FAM167A: variants seen among roughly 807,000 people sequenced by gnomAD.
FAM167A encodes protein FAM167A.
FAM167A carries 23 observed loss-of-function variants against 14.9 expected under a neutral mutation model. That is an observed-to-expected ratio of 1.55 (90% CI 1.11 to 2.19). FAM167A has a LOEUF of 2.19. FAM167A is among the 30% of genes most tolerant of loss of function. The pLI is 0.00. For synonymous variants in FAM167A, 174 were observed against 117.7 expected (o/e 1.48, Z -3.10); for missense variants, 401 against 281.5 (o/e 1.42, Z -3.04).
intron 1 of FAM167A, 184 bp from the exon 2 acceptor site, chr8:11,444,992 A>G (rs73546310): frequency 0.18 from 110,512 of 630,698 alleles, 11,159 homozygotes; most frequent in Non-Finnish European, 0.2. Flanking sequence ...GAAGTTAATG[A>G]GCAATTGAAA....
At position 11,432,732 on chromosome 8, in the gene FAM167A, T is replaced by C. The variant is rs547888328; in HGVS notation, c.382-8096A>G. On this transcript the variant is annotated intron_variant, in intron 2 of 2. Transcript: ENST00000284486. ...TACTGGGCATATACTGAAAGGATTA[T>C]AAATCATTCTATGATAAAGACACAT... is the stretch of plus-strand genomic sequence containing the variant. Among the ~76,000 whole-genome samples, 5 of 152,366 alleles carry C rather than the reference T, an allele frequency of 3.3e-5. No individual in the cohort carries two copies. The East Asian group carries it at 9.6e-4, about 29-fold the overall frequency.
At chr8:11,434,511 G>A (rs114107374) in intron 2 of FAM167A, among the ~76,000 whole-genome samples, 9 of 152,148 alleles carry the variant, frequency 5.9e-5, no homozygotes, top group East Asian at 3.9e-4. Flanking sequence ...AGGGAGAGAC[G>A]ACAGCCCCAG....
At chr8:11,451,259 C>T (rs554761285) in intron 1 of FAM167A, among the ~76,000 whole-genome samples, 6 of 152,326 alleles carry the variant, frequency 3.9e-5, no homozygotes, top group South Asian at 2.1e-4. Flanking sequence ...AAAGCCAAGC[C>T]GACAGTGTGG....
intron 2 of FAM167A, among the ~76,000 whole-genome samples, chr8:11,443,131 G>T (rs1200117522): frequency 1.3e-5 from 2 of 152,216 alleles, no homozygotes; most frequent in Non-Finnish European, 2.9e-5. Flanking sequence ...CCTCAGGGAC[G>T]GGGTGGGGCA....
chr8:11,422,372 GGGTGTGTGTGT>G lies in FAM167A; in HGVS notation c.*1990_*2000del, dbSNP rs1563350149. ...TTCTCTGTCGTGTGTGTGTGTGTGG[GGGTGTGTGTGT>G]GTGTGTGTGTGTGTGTGTGTGTAGG... is the stretch of plus-strand genomic sequence containing the variant. On this transcript the variant is annotated 3_prime_UTR_variant, in exon 3 of 3. Transcript: ENST00000284486. The G allele has an allele frequency of 1.1e-4, 12 of 107,804 alleles. No individual in the cohort carries two copies. Among genetic ancestry groups the G allele is most frequent in the African/African-American group, 5.1e-4 (10 of 19,718 alleles). The allele number at this position is 107,804 out of a possible 1,614,324, so 6.7% of individuals were successfully genotyped here.
chr8:11,452,365 T>A (rs1349959651), intron 1 of FAM167A, among the ~76,000 whole-genome samples: 2 of 152,250 alleles, frequency 1.3e-5, no homozygotes, highest in African/African-American at 4.8e-5. Flanking sequence ...CCAGCCCAGC[T>A]GGGCTACAGC....
intron 2 of FAM167A, among the ~76,000 whole-genome samples, chr8:11,426,463 T>C (rs1160733816): frequency 6.6e-6 from 1 of 152,208 alleles, no homozygotes; most frequent in African/African-American, 2.4e-5. Flanking sequence ...AACAAAGAGA[T>C]GTGATAATTA....
At position 11,425,444 on chromosome 8, in the gene FAM167A, G is replaced by A. The variant is rs150401316; in HGVS notation, c.382-808C>T. 3.2e-3 allele frequency among the ~76,000 whole-genome samples: 492 copies of A among 152,310 alleles called. 7 individuals carry two copies. The highest frequency in any genetic ancestry group is 0.011 in the African/African-American group (478 of 41,570). On this transcript the variant is annotated intron_variant, in intron 2 of 2. Transcript: ENST00000284486. ...ATGAAGTTCTGCTGCTCAAGGACGA[G>A]CTGCAGTGTGGTGTATGGAGCTAGC...
intron 1 of FAM167A, among the ~76,000 whole-genome samples, chr8:11,456,783 C>T (rs1258650099): frequency 2.4e-5 from 3 of 123,984 alleles, no homozygotes; most frequent in African/African-American, 6.4e-5. Context: ...TAGGGGAGTG[C>T]GGCTGGCTAA....
At chr8:11,456,392 T>TGTCA (rs1807306088) in intron 1 of FAM167A, among the ~76,000 whole-genome samples, 1 of 120,496 alleles carries the variant, frequency 8.3e-6, no homozygotes. Flanking sequence ...GCCTGGTGTG[T>TGTCA]GTGTGAGTGT....
At chr8:11,427,986 G>A (rs938518347) in intron 2 of FAM167A, among the ~76,000 whole-genome samples, 1 of 152,220 alleles carries the variant, frequency 6.6e-6, no homozygotes, top group Admixed American at 6.5e-5. Flanking sequence ...CTTCTGAGGA[G>A]ATGGGGGTCA....
At chr8:11,449,999 C>G (rs1204181312) in intron 1 of FAM167A, among the ~76,000 whole-genome samples, 2 of 152,248 alleles carry the variant, frequency 1.3e-5, no homozygotes, top group Non-Finnish European at 2.9e-5. Flanking sequence ...CCTCCTCTCA[C>G]CACGCGCTCC....
chr8:11,453,326 C>T (rs1019021079), intron 1 of FAM167A, among the ~76,000 whole-genome samples: 1 of 152,330 alleles, frequency 6.6e-6, no homozygotes, highest in Non-Finnish European at 1.5e-5. Context: ...GCATGTGCCA[C>T]CATGCCTGAC....
At chr8:11,427,321 A>C (rs988825423) in intron 2 of FAM167A, among the ~76,000 whole-genome samples, 5 of 152,198 alleles carry the variant, frequency 3.3e-5, no homozygotes. Context: ...GACATGGTAC[A>C]TAGGGACTGG....
At chr8:11,462,264 T>C (rs1807572100) in intron 1 of FAM167A, among the ~76,000 whole-genome samples, 1 of 152,130 alleles carries the variant, frequency 6.6e-6, no homozygotes, top group African/African-American at 2.4e-5. Context: ...TCGGGGGACG[T>C]GGGTTGGTTG....
At chr8:11,464,070 C>T (rs918279857) in intron 1 of FAM167A, among the ~76,000 whole-genome samples, 3 of 152,176 alleles carry the variant, frequency 2.0e-5, no homozygotes, top group African/African-American at 4.8e-5. Context: ...GCAAAGTCCT[C>T]TCGAGAGTGG....
chr8:11,451,411 A>T (rs1807023120), intron 1 of FAM167A, among the ~76,000 whole-genome samples: 1 of 152,240 alleles, frequency 6.6e-6, no homozygotes, highest in Non-Finnish European at 1.5e-5. Context: ...GGTTTCTGAC[A>T]TTCGTAAGTG....
At chr8:11,445,118 C>T (rs911855145) in intron 1 of FAM167A, 1 of 983,790 alleles carries the variant, frequency 1.0e-6, no homozygotes, top group African/African-American at 1.7e-5. Context: ...CACGAGGAAC[C>T]CACATATCCT....
At chr8:11,434,822 C>G (rs1805886596) in intron 2 of FAM167A, 1 of 348,718 alleles carries the variant, frequency 2.9e-6, no homozygotes, top group African/African-American at 2.1e-5. Context: ...TTCCTCCCCT[C>G]CCATCAGATT....
Sources: gnomAD v4.1 joint callset for allele counts (sites outside exome capture counted in the v4.1 genomes callset) on GRCh38, gnomAD v4.1.1 for gene constraint, MANE v1.5 for transcripts, NCBI Gene and HGNC (gene_info 2026-07-23, HGNC 2026-07-21) for gene names.